CPXM2: variants seen among roughly 807,000 people sequenced by gnomAD.
CPXM2 encodes the protein inactive carboxypeptidase-like protein X2.
In CPXM2, 66 loss-of-function variants were observed where a neutral mutation model predicts 86.1. The ratio of observed to expected loss-of-function variants is 0.77; its 90% CI spans 0.63 to 0.94. The LOEUF is 0.94. Among genes scored for constraint, CPXM2 ranks in the 40% least tolerant of loss-of-function variants. The pLI is 0.00. For synonymous variants in CPXM2, 388 were observed against 400.2 expected, an observed-to-expected ratio of 0.97 and a Z score of 0.36; for missense variants, 948 against 1,026.3, an observed-to-expected ratio of 0.92 and a Z score of 1.04.
At chr10:123,835,844 GA>G (rs1197945521) in intron 4 of CPXM2, among the ~76,000 whole-genome samples, 2 of 152,210 alleles carry the variant, frequency 1.3e-5, no homozygotes, top group African/African-American at 4.8e-5. Flanking sequence ...AGGGGACACA[GA>G]GGCCGGGACG....
In CPXM2 at chr10:123,891,116, C is replaced by T. The variant is rs1023180638; in HGVS notation, c.304+240G>A. 5.9e-5 allele frequency among the ~76,000 whole-genome samples: 9 copies of T among 152,254 alleles called. No individual in the cohort carries two copies. Among genetic ancestry groups the T allele is most frequent in the African/African-American group, 1.9e-4 (8 of 41,474 alleles). ...GGCAGCCTCCCAATTGCACAGCTCC[C>T]TCTTTACCTAAGGGCATAAGCCAGA... On this transcript the variant is annotated intron_variant, in intron 1 of 13. Coordinates refer to ENST00000241305, the MANE Select transcript of CPXM2 (RefSeq NM_198148.3). This position sits in a 1 kb window ranked among gnomAD's most constrained non-coding sequence, Gnocchi z 5.6.
chr10:123,830,249 C>T (rs1848136905), intron 4 of CPXM2, among the ~76,000 whole-genome samples: 1 of 152,130 alleles, frequency 6.6e-6, no homozygotes, highest in Admixed American at 6.5e-5. Flanking sequence ...GCTCAAATCA[C>T]AGTCAAAGAA....
chr10:123,825,085 G>C (rs1380416568), intron 4 of CPXM2, among the ~76,000 whole-genome samples: 2 of 152,182 alleles, frequency 1.3e-5, no homozygotes, highest in Non-Finnish European at 2.9e-5. Context: ...AGGATTCTGA[G>C]GGGAAAACAT....
At chr10:123,925,551 A>G (rs1480717337) in intron 2 of CPXM2, among the ~76,000 whole-genome samples, 1 of 152,230 alleles carries the variant, frequency 6.6e-6, no homozygotes, top group Admixed American at 6.5e-5. Flanking sequence ...ATTTGTAAAC[A>G]TCCTCTTGGA....
intron 4 of CPXM2, among the ~76,000 whole-genome samples, chr10:123,802,102 GAGGA>G (rs1176309188): frequency 1.3e-5 from 2 of 152,200 alleles, no homozygotes; most frequent in Non-Finnish European, 2.9e-5. Flanking sequence ...CAGGAGAGCA[GAGGA>G]AGGGACAGGG....
chr10:123,866,948 ACT>A (rs1422390024), intron 2 of CPXM2, among the ~76,000 whole-genome samples: 1 of 152,012 alleles, frequency 6.6e-6, no homozygotes, highest in African/African-American at 2.4e-5. Context: ...CGTCTGCCTC[ACT>A]CTGACTTCAC....
At chr10:123,835,924 T>C (rs533589474) in intron 4 of CPXM2, among the ~76,000 whole-genome samples, 4 of 152,302 alleles carry the variant, frequency 2.6e-5, no homozygotes, top group African/African-American at 7.2e-5. Context: ...TGCTTCCTAC[T>C]GTGAAAATGG....
intron 3 of CPXM2, among the ~76,000 whole-genome samples, chr10:123,857,589 GGC>G (rs1848756649): frequency 5.6e-5 from 8 of 141,786 alleles, no homozygotes; most frequent in South Asian, 5.2e-4. Context: ...GATGGAAGGC[GGC>G]GTGGAGATGG....
intron 4 of CPXM2, among the ~76,000 whole-genome samples, chr10:123,837,220 C>T (rs561795813): frequency 3.9e-5 from 6 of 152,332 alleles, no homozygotes; most frequent in Admixed American, 3.9e-4. Flanking sequence ...GGCTGAGCCT[C>T]CCCGTCCTTG....
At chr10:123,926,858 ATGT>A (rs1945625787) in intron 2 of CPXM2, among the ~76,000 whole-genome samples, 1 of 152,216 alleles carries the variant, frequency 6.6e-6, no homozygotes, top group Admixed American at 6.5e-5. Context: ...TCCAGATTTT[ATGT>A]TATGTGAAGA....
intron 3 of CPXM2, among the ~76,000 whole-genome samples, chr10:123,861,928 T>C (rs1443615472): frequency 6.6e-6 from 1 of 152,144 alleles, no homozygotes; most frequent in Non-Finnish European, 1.5e-5. Context: ...GGTTGGGCAG[T>C]AGAAGTTTCA....
rs74161091 is a variant in CPXM2, at chr10:123,746,950, A to G, written c.2085T>C (p.Gly695=). The G allele has an allele frequency of 2.2e-3, 3,544 of 1,613,736 alleles. 80 individuals carry two copies. The African/African-American group carries it at 0.042, about 19-fold the overall frequency. Residue 695 remains glycine (G), a synonymous_variant, in exon 14 of 14, where the codon GGT becomes GGC. Transcript: ENST00000241305. The stretch of plus-strand genomic sequence containing the variant: ...TACAGTTCTTGGTGGATGCAGTGAA[A>G]CCTTCGGCCTTTGCTGTGACCACAT... ...GEYVVTAKAE[G]FTASTKNCMV...
chr10:123,868,695 C>A (rs1944839734), intron 2 of CPXM2, among the ~76,000 whole-genome samples: 1 of 151,978 alleles, frequency 6.6e-6, no homozygotes, highest in African/African-American at 2.4e-5. Flanking sequence ...GGAAAATGTA[C>A]CCTACTCCCA....
At chr10:123,798,505 T>G (rs979451595) in intron 5 of CPXM2, among the ~76,000 whole-genome samples, 2 of 152,044 alleles carry the variant, frequency 1.3e-5, no homozygotes. Flanking sequence ...TGAGAGGGTA[T>G]CCAGAGAAAA....
At chr10:123,884,974 C>T in intron 1 of CPXM2, among the ~76,000 whole-genome samples, 1 of 152,360 alleles carries the variant, frequency 6.6e-6, no homozygotes, top group African/African-American at 2.4e-5. Flanking sequence ...TAAAGAGACA[C>T]CCTGGTAACA....
chr10:123,892,816 T>G (rs1453105322), upstream of CPXM2, among the ~76,000 whole-genome samples: 2 of 152,224 alleles, frequency 1.3e-5, no homozygotes, highest in Admixed American at 1.3e-4. Flanking sequence ...TCGCTGGCTG[T>G]GGGCTGAGGC....
At chr10:123,874,997 A>AC (rs1039195383) in intron 2 of CPXM2, among the ~76,000 whole-genome samples, 9 of 152,172 alleles carry the variant, frequency 5.9e-5, no homozygotes, top group African/African-American at 2.2e-4. Context: ...ATGGTTTCAG[A>AC]CCAGGGTTTC....
chr10:123,943,519 G>T (rs1371743305), upstream of CPXM2, among the ~76,000 whole-genome samples: 5 of 152,202 alleles, frequency 3.3e-5, no homozygotes, highest in Non-Finnish European at 5.9e-5. Flanking sequence ...GATCCTCCAG[G>T]GACCAGCAGG....
At chr10:123,920,318 T>C (rs948466752) in intron 2 of CPXM2, among the ~76,000 whole-genome samples, 1 of 152,182 alleles carries the variant, frequency 6.6e-6, no homozygotes, top group Non-Finnish European at 1.5e-5. Context: ...GAAATAAAGA[T>C]ATATTCAGAT....
Sources: gnomAD v4.1 joint callset for allele counts (sites outside exome capture counted in the v4.1 genomes callset) on GRCh38, gnomAD v4.1.1 for gene constraint, Gnocchi (gnomAD v3.1) non-coding constraint, MANE v1.5 for transcripts, NCBI Gene and HGNC (gene_info 2026-07-23, HGNC 2026-07-21) for gene names.